FANCI: variants seen among roughly 807,000 people sequenced by gnomAD.
The protein encoded by FANCI is FA complementation group I, also known as Fanconi anemia group I protein.
Under a neutral mutation model 176.1 loss-of-function variants are expected in FANCI, and 156 were observed. The ratio of observed to expected loss-of-function variants is 0.89; its 90% CI spans 0.78 to 1.01. The LOEUF (loss-of-function observed/expected upper bound fraction) is 1.01, where lower values mean the gene tolerates loss of function less well. Among genes scored for constraint, FANCI ranks in the 50% least tolerant of loss-of-function variants. The probability of loss-of-function intolerance (pLI) is 0.00; values close to 1 mark genes in which losing one functional copy is unlikely to be tolerated. For missense variants in FANCI, 1,678 were observed against 1,534.1 expected (o/e 1.09, Z -1.57); for synonymous variants, 613 against 541.7 (o/e 1.13, Z -1.83).
At chr15:89,267,610 CATTT>C (rs1445567249) in intron 9 of FANCI, among the ~76,000 whole-genome samples, 1 of 152,020 alleles carries the variant, frequency 6.6e-6, no homozygotes, top group Non-Finnish European at 1.5e-5. Flanking sequence ...TGACTATACA[CATTT>C]ATTTTACGAA....
At position 89,276,741 on chromosome 15, in the gene FANCI, C is replaced by A. The variant is rs1282547659; in HGVS notation, c.1143C>A (p.Gly381=). The A allele has an allele frequency of 6.2e-7, 1 of 1,613,990 alleles. No homozygotes were observed. Among genetic ancestry groups the A allele is most frequent in the African/African-American group, 1.3e-5 (1 of 74,892 alleles). ...SVHSWDHVTQ[G]LVELGFILMD... is the part of the protein sequence containing the mutation. ...ATAGCTGGGACCATGTTACTCAGGG[C>A]CTCGTAGAACTTGGTTTCATTTTGA... Residue 381 remains glycine, a synonymous_variant, in exon 13 of 38, where the codon GGC becomes GGA. Transcript: ENST00000310775.
intron 3 of FANCI, 185 bp downstream of exon 3, chr15:89,258,961 T>G: frequency 1.7e-6 from 1 of 583,948 alleles, no homozygotes; most frequent in Non-Finnish European, 3.1e-6. Context: ...TGAAGGGAGT[T>G]TGAAGTGGCT....
chr15:89,306,230 T>C, intron 32 of FANCI, 36 bp downstream of exon 32: 1 of 1,604,506 alleles, frequency 6.2e-7, no homozygotes, highest in Non-Finnish European at 8.5e-7. Context: ...GCCCCACCAT[T>C]CTACCCCAGT....
At position 89,316,858 on chromosome 15, in the gene FANCI, C is replaced by A. The variant is rs1331011233; in HGVS notation, c.*399C>A. ...AGATAGTGCAAATTGGTTAGGATGC[C>A]ACCTCAAGAACTGTAACTGAGAGCT... On this transcript the variant is annotated 3_prime_UTR_variant, in exon 38 of 38. Transcript: ENST00000310775. 3.3e-6 allele frequency: 5 copies of A among 1,509,560 alleles called. No individual in the cohort carries two copies. The highest frequency in any genetic ancestry group is 4.6e-6 in the Non-Finnish European group (5 of 1,084,684). 93.5% of individuals were successfully genotyped at this position (1,509,560 alleles called of 1,614,324 possible).
At chr15:89,262,435 AGT>A in intron 6 of FANCI, among the ~76,000 whole-genome samples, 1 of 152,184 alleles carries the variant, frequency 6.6e-6, no homozygotes, top group Non-Finnish European at 1.5e-5. Flanking sequence ...AAACTATGTA[AGT>A]TAAGGTAGAG....
chr15:89,279,822 C>T (rs1386441615), intron 14 of FANCI, among the ~76,000 whole-genome samples: 1 of 152,076 alleles, frequency 6.6e-6, no homozygotes, highest in Non-Finnish European at 1.5e-5. Flanking sequence ...CCCTCCTCCT[C>T]CCAACCTCAC....
chr15:89,304,119 G>C lies in FANCI; in HGVS notation c.3058+204G>C, dbSNP rs538978610. 7.2e-5 allele frequency among the ~76,000 whole-genome samples: 11 copies of C among 152,250 alleles called. No individual in the cohort carries two copies. The East Asian group carries it at 1.3e-3, about 19-fold the overall frequency. The stretch of plus-strand genomic sequence containing the variant: ...TTCACTGGGGGTGGAGGTAGAAATT[G>C]GTATAACCACTATGGAAAACTGTTC... On this transcript the variant is annotated intron_variant, in intron 28 of 37. Coordinates refer to ENST00000310775, the MANE Select transcript of FANCI (RefSeq NM_001113378.2).
chr15:89,312,941 A>T lies in FANCI; in HGVS notation c.3689A>T (p.Lys1230Met). ...AGCCTGAACTATACGGGAGAGAAAA[A>T]GGAGAAACCTGCTGCCGTTGCCACA... is the stretch of plus-strand genomic sequence containing the variant. ...SKSLNYTGEK[K>M]EKPAAVATAM... is the part of the protein sequence containing the mutation. The change falls in exon 35 of 38, where the codon AAG becomes ATG. Residue 1230 changes from lysine (K) to methionine (M), a missense_variant. By Grantham distance (95) the Lys-to-Met change is moderately conservative. Transcript: ENST00000310775. The T allele has an allele frequency of 6.2e-7, 1 of 1,613,996 alleles. No homozygotes were observed. The highest frequency in any genetic ancestry group is 1.7e-5 in the Admixed American group (1 of 59,984).
At chr15:89,310,351 A>T (rs1380727085) in intron 34 of FANCI, among the ~76,000 whole-genome samples, 1 of 152,250 alleles carries the variant, frequency 6.6e-6, no homozygotes, top group Non-Finnish European at 1.5e-5. Context: ...CTCTAGAGTC[A>T]TACCTGGTAC....
At chr15:89,275,703 T>C (rs189100282) in intron 12 of FANCI, among the ~76,000 whole-genome samples, 42 of 152,334 alleles carry the variant, frequency 2.8e-4, no homozygotes, top group Non-Finnish European at 4.4e-4. Flanking sequence ...TCTCTTAAAG[T>C]TGGGCTAAAG....
rs943673641 is a variant in FANCI at position 89,245,405 on chromosome 15, G to A, written c.-20+1372G>A. The A allele has an allele frequency of 7.8e-5, 10 of 128,710 alleles. No individual in the cohort carries two copies. The East Asian group carries it at 2.5e-3, about 32-fold the overall frequency. 8.0% of individuals were successfully genotyped at this position (128,710 alleles called of 1,614,324 possible). ...GTAGAGACGGGGTTTCACCATCTTG[G>A]CCAGGAAGGTCTGGATGTCTTGACC... On this transcript the variant is annotated intron_variant, in intron 1 of 37. Coordinates refer to ENST00000310775, the MANE Select transcript of FANCI (RefSeq NM_001113378.2).
rs368531670 is a variant in FANCI at position 89,298,341 on chromosome 15, AT to A, written c.2637-1458del. On this transcript the variant is annotated intron_variant, in intron 24 of 37. Coordinates refer to ENST00000310775, the MANE Select transcript of FANCI (RefSeq NM_001113378.2). The stretch of plus-strand genomic sequence containing the variant: ...AAGAAGAAAGCAGTAACAGAAAGAT[AT>A]CTAGATAATCCCCATATATTAGAAA... 1.1e-3 allele frequency among the ~76,000 whole-genome samples: 169 copies of A among 152,358 alleles called. 3 individuals carry two copies. In the South Asian group the frequency reaches 0.032, roughly 29 times the overall value.
intron 24 of FANCI, among the ~76,000 whole-genome samples, chr15:89,295,720 C>T (rs1433423078): frequency 2.0e-5 from 3 of 147,446 alleles, no homozygotes; most frequent in Admixed American, 2.0e-4. Context: ...TCTAGTCTTG[C>T]CTTCCCCTGG....
In FANCI at chr15:89,281,152, A is replaced by G. The variant is rs763617822; in HGVS notation, c.1382-18A>G. The G allele has an allele frequency of 3.7e-6, 6 of 1,612,248 alleles. No individual in the cohort carries two copies. The highest frequency in any genetic ancestry group is 4.5e-5 in the East Asian group (2 of 44,768). ...CTTTAGTTATTTGAGACAACTGATT[A>G]TAGATTCTGTTTTTCAGACCTGCTT... On this transcript the variant is annotated intron_variant, in intron 14 of 37. Transcript: ENST00000310775.
intron 16 of FANCI, chr15:89,282,243 G>A (rs1298186256): frequency 4.9e-6 from 1 of 204,770 alleles, no homozygotes; most frequent in Non-Finnish European, 1.0e-5. Flanking sequence ...TCTGAAACCT[G>A]AGCTGGCAGC....
At chr15:89,303,479 A>T (rs963133445) in intron 27 of FANCI, among the ~76,000 whole-genome samples, 1 of 152,020 alleles carries the variant, frequency 6.6e-6, no homozygotes, top group African/African-American at 2.4e-5. Context: ...TACTGTTCTT[A>T]TAGCTAGGTT....
At chr15:89,258,952 G>A (rs913479797) in intron 3 of FANCI, 176 bp downstream of exon 3, 12 of 603,052 alleles carry the variant, frequency 2.0e-5, no homozygotes, top group Non-Finnish European at 3.0e-5. Context: ...TAATTTTACT[G>A]AAGGGAGTTT....
intron 6 of FANCI, 73 bp downstream of exon 6, chr15:89,261,951 T>G: frequency 7.3e-7 from 1 of 1,373,278 alleles, no homozygotes; most frequent in Non-Finnish European, 1.0e-6. Context: ...ATTTCAGGAA[T>G]TTATGTCTGG....
chr15:89,300,085 G>A (rs1596316953), intron 25 of FANCI, 119 bp downstream of exon 25: 2 of 1,177,736 alleles, frequency 1.7e-6, no homozygotes, highest in East Asian at 4.8e-5. Flanking sequence ...TTGCTAAGGA[G>A]TGACATCTAG....
Sources: allele counts gnomAD v4.1 joint callset (sites outside exome capture counted in the v4.1 genomes callset), GRCh38; gene constraint gnomAD v4.1.1; transcripts MANE v1.5; gene names NCBI Gene and HGNC (gene_info 2026-07-23, HGNC 2026-07-21).